PRKN: variants seen among roughly 807,000 people sequenced by gnomAD.
The protein encoded by PRKN is E3 ubiquitin-protein ligase parkin.
A neutral mutation model predicts 59.5 loss-of-function variants in PRKN; 56 were observed. The ratio of observed to expected loss-of-function variants is 0.94; its 90% CI spans 0.76 to 1.18. The LOEUF is 1.18. Ranked by LOEUF, PRKN falls within the 50% of genes most tolerant of loss-of-function variation. The pLI is 0.00. For synonymous variants in PRKN, 250 were observed against 222.1 expected (o/e 1.13, Z -1.12); for missense variants, 657 against 596.4 (o/e 1.10, Z -1.06).
intron 1 of PRKN, among the ~76,000 whole-genome samples, chr6:162,680,298 A>C (rs1299444172): frequency 6.6e-6 from 1 of 150,908 alleles, no homozygotes; most frequent in Non-Finnish European, 1.5e-5. Flanking sequence ...ATATATACTT[A>C]ATATTTGAGG....
At chr6:162,475,735 C>T (rs1451461761) in intron 1 of PRKN, among the ~76,000 whole-genome samples, 2 of 151,838 alleles carry the variant, frequency 1.3e-5, no homozygotes, top group Admixed American at 6.5e-5. Context: ...TCTGGAAGTA[C>T]AAAACAGCAC....
At chr6:161,474,343 C>T (rs923438078) in intron 9 of PRKN, among the ~76,000 whole-genome samples, 1 of 152,166 alleles carries the variant, frequency 6.6e-6, no homozygotes, top group African/African-American at 2.4e-5. Context: ...TAGACCAAGC[C>T]TCTTGTTTCC....
chr6:161,605,614 C>T (rs986929749), intron 7 of PRKN, among the ~76,000 whole-genome samples: 4 of 151,458 alleles, frequency 2.6e-5, no homozygotes, highest in East Asian at 2.0e-4. Flanking sequence ...CAGGTTCAAG[C>T]GATTCTCCTG....
At chr6:162,356,685 C>T (rs1657478984) in intron 2 of PRKN, among the ~76,000 whole-genome samples, 1 of 140,994 alleles carries the variant, frequency 7.1e-6, no homozygotes, top group African/African-American at 2.6e-5. Context: ...GAACAAATAT[C>T]ATTGGTACCA....
At chr6:161,931,314 TG>T (rs1779163467) in intron 6 of PRKN, among the ~76,000 whole-genome samples, 1 of 152,110 alleles carries the variant, frequency 6.6e-6, no homozygotes, top group African/African-American at 2.4e-5. Context: ...GGTATGTGTC[TG>T]TAGTCCCAGC....
At chr6:162,512,766 C>T (rs891975256) in intron 1 of PRKN, among the ~76,000 whole-genome samples, 9 of 151,972 alleles carry the variant, frequency 5.9e-5, no homozygotes, top group African/African-American at 2.2e-4. Context: ...ACTTTATTAA[C>T]AAAGGTAGGT....
intron 7 of PRKN, among the ~76,000 whole-genome samples, chr6:161,774,201 G>C (rs1371797936): frequency 6.6e-6 from 1 of 152,078 alleles, no homozygotes; most frequent in African/African-American, 2.4e-5. Flanking sequence ...GAAGTCACTT[G>C]ATTGAGTGTT....
intron 2 of PRKN, among the ~76,000 whole-genome samples, chr6:162,305,212 T>A (rs1421069052): frequency 6.6e-6 from 1 of 152,138 alleles, no homozygotes; most frequent in Non-Finnish European, 1.5e-5. Context: ...AGTTTGCCAA[T>A]ATGTCATGGC....
intron 7 of PRKN, among the ~76,000 whole-genome samples, chr6:161,774,407 CA>C (rs1789831665): frequency 6.6e-6 from 1 of 151,242 alleles, no homozygotes. Context: ...CACACACACA[CA>C]CACACACACA....
intron 6 of PRKN, among the ~76,000 whole-genome samples, chr6:161,910,555 G>A (rs563489797): frequency 6.6e-6 from 1 of 152,170 alleles, no homozygotes; most frequent in South Asian, 2.1e-4. Flanking sequence ...GCGCCCGGCT[G>A]AAAGAATCTG....
At chr6:161,955,248 G>T (rs375205943) in intron 6 of PRKN, among the ~76,000 whole-genome samples, 3 of 152,052 alleles carry the variant, frequency 2.0e-5, no homozygotes, top group African/African-American at 7.2e-5. Flanking sequence ...CAACACACCG[G>T]ATGCCAGGAG....
intron 7 of PRKN, among the ~76,000 whole-genome samples, chr6:161,586,422 C>T (rs1781522835): frequency 6.6e-6 from 1 of 152,164 alleles, no homozygotes; most frequent in Non-Finnish European, 1.5e-5. Context: ...CACGTTTACT[C>T]CAGCTACCCT....
chr6:162,425,137 G>C (rs1789170839), intron 2 of PRKN, among the ~76,000 whole-genome samples: 1 of 151,872 alleles, frequency 6.6e-6, no homozygotes. Flanking sequence ...TACATTTGAT[G>C]GTTTGTAATC....
At chr6:162,493,187 AACC>A (rs1167455042) in intron 1 of PRKN, among the ~76,000 whole-genome samples, 2 of 152,148 alleles carry the variant, frequency 1.3e-5, no homozygotes, top group East Asian at 3.9e-4. Context: ...TGCTTCTCAG[AACC>A]ACCATCCCTT....
intron 1 of PRKN, among the ~76,000 whole-genome samples, chr6:162,480,237 T>C (rs1483707620): frequency 6.6e-6 from 1 of 152,108 alleles, no homozygotes; most frequent in East Asian, 1.9e-4. Context: ...GAGGAACGCA[T>C]TGTACTAGGA....
chr6:162,167,305 TA>T (rs1783032811), intron 4 of PRKN, among the ~76,000 whole-genome samples: 1 of 152,188 alleles, frequency 6.6e-6, no homozygotes, highest in African/African-American at 2.4e-5. Flanking sequence ...AAATGGATGG[TA>T]AAGCTGGAAT....
intron 1 of PRKN, among the ~76,000 whole-genome samples, chr6:162,577,888 C>T (rs1780624511): frequency 6.6e-6 from 1 of 152,110 alleles, no homozygotes; most frequent in African/African-American, 2.4e-5. Context: ...GGGATCACAC[C>T]AGTGCAGTCC....
At chr6:161,368,382 G>GATATATATAT (rs34367069) in intron 10 of PRKN, among the ~76,000 whole-genome samples, 8,464 of 98,952 alleles carry the variant, frequency 0.086, 638 homozygotes, top group Non-Finnish European at 0.12. Flanking sequence ...CCTCAGTCTT[G>GATATATATAT]ATATATATAT....
At position 161,349,784 on chromosome 6, in the gene PRKN, G is replaced by A. The variant is rs1784445945; in HGVS notation, c.*315C>T. Reference sequence around the variant, plus strand: ...TGGATTGCACTTGAATCTGTGCTCTGGTATTTGTGTCATCCGGAGGCTGAG... The same window carrying A: ...TGGATTGCACTTGAATCTGTGCTCTAGTATTTGTGTCATCCGGAGGCTGAG... On this transcript the variant is annotated 3_prime_UTR_variant, in exon 12 of 12. Transcript: ENST00000366898. This position sits in a 1 kb window ranked among gnomAD's most constrained non-coding sequence, Gnocchi z 5.5. The A allele has an allele frequency of 2.1e-6, 1 of 486,008 alleles. No homozygotes were observed. The highest frequency in any genetic ancestry group is 3.8e-6 in the Non-Finnish European group (1 of 262,754). 30.1% of individuals were successfully genotyped at this position (486,008 alleles called of 1,614,324 possible).
Sources: allele counts gnomAD v4.1 joint callset (sites outside exome capture counted in the v4.1 genomes callset), GRCh38; gene constraint gnomAD v4.1.1; non-coding constraint Gnocchi (gnomAD v3.1); transcripts MANE v1.5; gene names NCBI Gene and HGNC (gene_info 2026-07-23, HGNC 2026-07-21).